The following TACR2 variants were observed in gnomAD, a reference collection of about 807,000 sequenced individuals.
The protein encoded by TACR2 is substance-K receptor.
Under a neutral mutation model 28.9 loss-of-function variants are expected in TACR2, and 24 were observed. That is an observed-to-expected ratio of 0.83 (90% CI 0.60 to 1.17). The LOEUF (loss-of-function observed/expected upper bound fraction) is 1.17. Ranked by LOEUF, TACR2 falls within the 50% of genes most tolerant of loss-of-function variation. The pLI, the probability that TACR2 is intolerant of heterozygous loss-of-function variation, is 0.00. For synonymous variants in TACR2, 222 were observed against 212.6 expected (o/e 1.04, Z -0.38); for missense variants, 487 against 524.4 (o/e 0.93, Z 0.70).
chr10:69,407,355 G>A (rs927842904), intron 3 of TACR2, 75 bp from the exon 4 acceptor site: 27 of 1,440,754 alleles, frequency 1.9e-5, no homozygotes, highest in Middle Eastern at 3.6e-4. Context: ...AGACACAGAG[G>A]ACCCCTTGCA....
At chr10:69,413,223 T>G (rs1186809689) in intron 2 of TACR2, among the ~76,000 whole-genome samples, 1 of 152,104 alleles carries the variant, frequency 6.6e-6, no homozygotes, top group African/African-American at 2.4e-5. Flanking sequence ...CATCCTAAAT[T>G]AGGCTCTCCC....
chr10:69,409,757 A>G (rs1158102042), intron 2 of TACR2, among the ~76,000 whole-genome samples: 9 of 151,624 alleles, frequency 5.9e-5, no homozygotes, highest in African/African-American at 2.2e-4. Context: ...ATATCTATAT[A>G]GAGAGAATTC....
At chr10:69,408,305 C>CTA (rs1840523068) in intron 3 of TACR2, among the ~76,000 whole-genome samples, 1 of 152,114 alleles carries the variant, frequency 6.6e-6, no homozygotes, top group Non-Finnish European at 1.5e-5. Context: ...CAGGCACCTT[C>CTA]TATAGTTCTG....
Position 69,404,918 on chromosome 10 carries a change from T to C in TACR2, c.1105A>G (p.Thr369Ala), listed in dbSNP as rs1443272078. The change falls in exon 5 of 5, where the codon ACC becomes GCC. Residue 369 changes from threonine to alanine, a missense_variant. Physicochemically the swap from Thr to Ala is moderately conservative, Grantham distance 58 (BLOSUM62 0). Coordinates refer to ENST00000373306, the MANE Select transcript of TACR2 (RefSeq NM_001057.3). ...TGGGGACGCCCCGCCTCCCCACTGG[T>C]AGCCTCGGAGGGGGCTGTGTCCCCA... Reference protein sequence around the residue: ...MAGDTAPSEATSGEAGRPQDG... With the variant: ...MAGDTAPSEAASGEAGRPQDG... The C allele has an allele frequency of 2.5e-6, 4 of 1,613,980 alleles. No individual in the cohort carries two copies. The highest frequency in any genetic ancestry group is 3.4e-6 in the Non-Finnish European group (4 of 1,179,970).
intron 2 of TACR2, among the ~76,000 whole-genome samples, chr10:69,411,359 G>A (rs939865021): frequency 2.0e-5 from 3 of 152,236 alleles, no homozygotes; most frequent in East Asian, 1.9e-4. Context: ...GGTGTAGGCC[G>A]AGCTATCTTT....
rs751000733 is a variant in TACR2 at position 69,414,953 on chromosome 10, C to A, written c.579G>T (p.Thr193=). ...TCCCCCAGAGGCCTTACAGGAGGAG[C>A]GTCTTGCCCCCGCTGTCTTCGGGCC... The part of the protein sequence containing the change: ...VAWPEDSGGK[T]LLLYHLVVIA... The change falls in exon 2 of 5, where the codon ACG becomes ACT. Residue 193 remains threonine (T), a synonymous_variant. Coordinates refer to ENST00000373306, the MANE Select transcript of TACR2 (RefSeq NM_001057.3). 1.2e-6 allele frequency: 2 copies of A among 1,609,422 alleles called. No homozygotes were observed. The highest frequency in any genetic ancestry group is 1.7e-6 in the Non-Finnish European group (2 of 1,176,880).
rs184221638 is a variant in TACR2, at chr10:69,404,050, C to G, written c.*776G>C. On this transcript the variant is annotated 3_prime_UTR_variant, in exon 5 of 5. Transcript: ENST00000373306. ...CTGTCCTCTCCAGGTTGCCATGGCC[C>G]CCACCATTCCCTATTAGCTCAAACT... 23 of 152,194 alleles carry G rather than the reference C, an allele frequency of 1.5e-4. No homozygotes were observed. Among genetic ancestry groups the G allele is most frequent in the African/African-American group, 5.3e-4 (22 of 41,432 alleles). 9.4% of individuals were successfully genotyped at this position (152,194 alleles called of 1,614,324 possible).
At chr10:69,408,295 C>T (rs1017464780) in intron 3 of TACR2, among the ~76,000 whole-genome samples, 9 of 152,190 alleles carry the variant, frequency 5.9e-5, no homozygotes, top group African/African-American at 2.2e-4. Flanking sequence ...CTGTGACTGT[C>T]AGGCACCTTC....
At chr10:69,409,902 TAC>T (rs1554827789) in intron 2 of TACR2, among the ~76,000 whole-genome samples, 535 of 11,620 alleles carry the variant, frequency 0.046, 11 homozygotes, top group African/African-American at 0.13. Context: ...TATATATATA[TAC>T]ATATATATAT....
rs1195829879 is a variant in TACR2, at chr10:69,416,488, G to C, written c.-165C>G. 7.9e-6 allele frequency: 7 copies of C among 884,974 alleles called. No individual in the cohort carries two copies. Among genetic ancestry groups the C allele is most frequent in the Non-Finnish European group, 1.2e-5 (7 of 601,716 alleles). 54.8% of individuals were successfully genotyped at this position (884,974 alleles called of 1,614,324 possible). ...AGCCTGGGGCCACTCCTAGGTCTCA[G>C]GCAAAGATGAGCTGGGCTGAGCACA... On this transcript the variant is annotated 5_prime_UTR_variant, in exon 1 of 5. Transcript: ENST00000373306.
In TACR2 at chr10:69,404,462, T is replaced by C. The variant is rs1326401564; in HGVS notation, c.*364A>G. 1 of 161,916 alleles carries C rather than the reference T, an allele frequency of 6.2e-6. No individual in the cohort carries two copies. The highest frequency in any genetic ancestry group is 1.3e-5 in the Non-Finnish European group (1 of 74,876). 10.0% of individuals were successfully genotyped at this position (161,916 alleles called of 1,614,324 possible). On this transcript the variant is annotated 3_prime_UTR_variant, in exon 5 of 5. Coordinates refer to ENST00000373306, the MANE Select transcript of TACR2 (RefSeq NM_001057.3). ...TCTCAGTCCATTTGTGTTGCTTTCA[T>C]GGAATACCTGAGACTAGGTAATTTA...
rs758569718 is a variant in TACR2, at chr10:69,414,988, C to G, written c.544G>C (p.Val182Leu). Residue 182 changes from valine to leucine, a missense_variant, in exon 2 of 5, where the codon GTG (valine) becomes CTG (leucine). By Grantham distance (32) the Val-to-Leu change is conservative (BLOSUM62 1). Transcript: ENST00000373306. ...VTMDQGATKC[V>L]VAWPEDSGGK... is the part of the protein sequence containing the mutation. ...CCGCTGTCTTCGGGCCAGGCCACCA[C>G]GCACTTGGTGGCACCCTGGTCCATG... 6.2e-7 allele frequency: 1 copy of G among 1,613,692 alleles called. No homozygotes were observed. Among genetic ancestry groups the G allele is most frequent in the Non-Finnish European group, 8.5e-7 (1 of 1,179,938 alleles).
At chr10:69,409,399 A>C in intron 2 of TACR2, 2 of 208,680 alleles carry the variant, frequency 9.6e-6, no homozygotes, top group Non-Finnish European at 1.9e-5. Flanking sequence ...GCAATTTAAA[A>C]TGCCATTAAG....
chr10:69,405,956 T>C (rs968616228), intron 4 of TACR2, among the ~76,000 whole-genome samples: 2 of 152,200 alleles, frequency 1.3e-5, no homozygotes, highest in Non-Finnish European at 2.9e-5. Context: ...TTTGGGAGCA[T>C]CTTACTTTCT....
rs1564580018 is a variant in TACR2, at chr10:69,407,225, T to A, written c.797A>T (p.Tyr266Phe). The A allele has an allele frequency of 2.5e-6, 4 of 1,613,466 alleles. No homozygotes were observed. Among genetic ancestry groups the A allele is most frequent in the Non-Finnish European group, 3.4e-6 (4 of 1,179,800 alleles). ...VLTFAICWLP[Y>F]HLYFILGSFQ... ...GCTGCCCAGGATGAAGTAGAGGTGG[T>A]AGGGCAGCCAGCAGATGGCAAACGT... The change falls in exon 4 of 5, where the codon TAC becomes TTC. Residue 266 changes from tyrosine (Y) to phenylalanine (F), a missense_variant. By Grantham distance (22) the Tyr-to-Phe change is conservative. Coordinates refer to ENST00000373306, the MANE Select transcript of TACR2 (RefSeq NM_001057.3).
chr10:69,415,386 A>G (rs1387657830), intron 1 of TACR2, among the ~76,000 whole-genome samples: 2 of 152,216 alleles, frequency 1.3e-5, no homozygotes, highest in African/African-American at 2.4e-5. Flanking sequence ...CCCTCTGGGC[A>G]TGGACATGCC....
At chr10:69,414,846 C>G in intron 2 of TACR2, 99 bp downstream of exon 2, 1 of 1,306,274 alleles carries the variant, frequency 7.7e-7, no homozygotes, top group Admixed American at 2.1e-5. Context: ...ATGCACACCA[C>G]ACATGCATGG....
At position 69,415,018 on chromosome 10, in the gene TACR2, C is replaced by T. The variant is rs146283790; in HGVS notation, c.514G>A (p.Val172Ile). The change falls in exon 2 of 5, where the codon GTC becomes ATC. Residue 172 changes from valine to isoleucine, a missense_variant. Transcript: ENST00000373306. ...TTGGTGGCACCCTGGTCCATGGTGA[C>T]GGTGGAGTAGAAGCACTGAGGGGAG... ...LASPQCFYST[V>I]TMDQGATKCV... 1.5e-5 allele frequency: 24 copies of T among 1,613,892 alleles called. No individual in the cohort carries two copies. The highest frequency in any genetic ancestry group is 5.3e-5 in the African/African-American group (4 of 75,042).
chr10:69,405,159 G>A (rs1840490942), intron 4 of TACR2, 75 bp from the exon 5 acceptor site: 9 of 1,246,052 alleles, frequency 7.2e-6, no homozygotes, highest in Non-Finnish European at 1.0e-5. Flanking sequence ...CCCACCCCCA[G>A]GAAACTGACT....
Sources: gnomAD v4.1 joint callset for allele counts (sites outside exome capture counted in the v4.1 genomes callset) on GRCh38, gnomAD v4.1.1 for gene constraint, MANE v1.5 for transcripts, NCBI Gene and HGNC (gene_info 2026-07-23, HGNC 2026-07-21) for gene names.